Variants in TRMT11 observed in about 807,000 individuals in gnomAD.
The protein encoded by TRMT11 is tRNA (guanine(10)-N(2))-methyltransferase TRMT11.
In TRMT11, 53 loss-of-function variants were observed where a neutral mutation model predicts 62.8. That is an observed-to-expected ratio of 0.84 (90% CI 0.68 to 1.06). The LOEUF is 1.06. Among genes scored for constraint, TRMT11 ranks in the 50% least tolerant of loss-of-function variants. The probability of loss-of-function intolerance (pLI) is 0.00; values close to 1 mark genes in which losing one functional copy is unlikely to be tolerated. For synonymous variants in TRMT11, 188 were observed against 190.3 expected (o/e 0.99, Z 0.10); for missense variants, 556 against 553.4 (o/e 1.00, Z -0.05).
At chr6:126,134,305 A>G (rs1029910877) in intron 21 of TRMT11, among the ~76,000 whole-genome samples, 3 of 151,962 alleles carry the variant, frequency 2.0e-5, no homozygotes, top group Non-Finnish European at 1.5e-5. Context: ...GGGATGGGAA[A>G]AGATATTTCA....
chr6:126,078,481 A>T (rs1225312642), intron 17 of TRMT11, among the ~76,000 whole-genome samples: 1 of 150,774 alleles, frequency 6.6e-6, no homozygotes, highest in Non-Finnish European at 1.5e-5. Flanking sequence ...AAATTCCATC[A>T]CTAATTCCCA....
At chr6:126,037,287 A>T (rs1436120457) in intron 12 of TRMT11, among the ~76,000 whole-genome samples, 3 of 151,992 alleles carry the variant, frequency 2.0e-5, no homozygotes, top group Admixed American at 6.6e-5. Context: ...AAGTGGTACT[A>T]ATCGTTTACT....
At chr6:126,262,183 T>G in the TRMT11 span, among the ~76,000 whole-genome samples, 1 of 151,842 alleles carries the variant, frequency 6.6e-6, no homozygotes, top group Non-Finnish European at 1.5e-5. Context: ...TCAGTGTGAG[T>G]GTAGTGGAGC....
intron 18 of TRMT11, among the ~76,000 whole-genome samples, chr6:126,114,686 C>A (rs1777568153): frequency 6.6e-6 from 1 of 152,022 alleles, no homozygotes; most frequent in Non-Finnish European, 1.5e-5. Flanking sequence ...ATGTATTATT[C>A]ATCTTTGCTT....
At chr6:126,192,323 A>G (rs1332004830) in intron 1 of TRMT11, among the ~76,000 whole-genome samples, 2 of 152,104 alleles carry the variant, frequency 1.3e-5, no homozygotes, top group African/African-American at 4.8e-5. Flanking sequence ...TGGGTTAGCA[A>G]TTCTAAGAGT....
At position 125,998,308 on chromosome 6, in the gene TRMT11, G is replaced by A. The variant is rs144488568; in HGVS notation, c.380G>A (p.Arg127Gln). 36 of 1,587,316 alleles carry A rather than the reference G, an allele frequency of 2.3e-5. No homozygotes were observed. Among genetic ancestry groups the A allele is most frequent in the South Asian group, 1.6e-4 (14 of 89,160 alleles). ...KTLTQEEKIKRIDALEFLPFE... is the reference protein window; with the variant it reads ...KTLTQEEKIKQIDALEFLPFE... ...TTGACACAAGAAGAGAAAATCAAGC[G>A]AATAGATGTAAGTAAATTTAGCAAA... Residue 127 changes from arginine to glutamine, a missense_variant, in exon 5 of 13, where the codon CGA becomes CAA. Physicochemically the swap from Arg to Gln is conservative, Grantham distance 43. Transcript: ENST00000334379.
At chr6:126,154,461 C>A (rs776216695) in intron 21 of TRMT11, among the ~76,000 whole-genome samples, 34 of 152,070 alleles carry the variant, frequency 2.2e-4, no homozygotes, top group African/African-American at 7.7e-4. Flanking sequence ...TAGAAATTTA[C>A]ACATCACAAC....
chr6:126,127,666 C>A (rs1405732242), intron 21 of TRMT11, among the ~76,000 whole-genome samples: 3 of 137,298 alleles, frequency 2.2e-5, no homozygotes, highest in Non-Finnish European at 4.7e-5. Flanking sequence ...CCCCCCACCC[C>A]ACGACAGGCC....
At chr6:126,026,667 G>T (rs1773164183) in intron 12 of TRMT11, among the ~76,000 whole-genome samples, 1 of 152,004 alleles carries the variant, frequency 6.6e-6, no homozygotes, top group African/African-American at 2.4e-5. Context: ...TTATAGGCGC[G>T]AGCCATCGCG....
chr6:126,051,168 G>T (rs1305877487), intron 16 of TRMT11, among the ~76,000 whole-genome samples: 1 of 152,206 alleles, frequency 6.6e-6, no homozygotes, highest in East Asian at 1.9e-4. Flanking sequence ...TAAAGCATAA[G>T]TACAGTTTAA....
At chr6:126,072,133 G>A (rs1308519138) in intron 17 of TRMT11, among the ~76,000 whole-genome samples, 3 of 152,130 alleles carry the variant, frequency 2.0e-5, no homozygotes, top group Non-Finnish European at 4.4e-5. Context: ...ATAGTTAACA[G>A]CATCTACTAG....
the TRMT11 span, among the ~76,000 whole-genome samples, chr6:126,236,236 A>G: frequency 3.3e-5 from 5 of 152,182 alleles, no homozygotes; most frequent in Non-Finnish European, 2.9e-5. Context: ...ACCTTTCACT[A>G]TCTTGCTTGG....
At chr6:126,206,929 C>T (rs952231457), downstream of TRMT11, among the ~76,000 whole-genome samples, 1 of 152,142 alleles carries the variant, frequency 6.6e-6, no homozygotes, top group Non-Finnish European at 1.5e-5. Context: ...TATCTTTTAG[C>T]CAAGTATCCT....
intron 17 of TRMT11, among the ~76,000 whole-genome samples, chr6:126,093,585 GTATATATATA>G (rs56176946): frequency 0.052 from 2,433 of 46,668 alleles, 83 homozygotes; most frequent in African/African-American, 0.078. Flanking sequence ...GGATATGTAT[GTATATATATA>G]TATATATATA....
intron 12 of TRMT11, among the ~76,000 whole-genome samples, chr6:126,022,842 G>A (rs1376310964): frequency 2.6e-5 from 4 of 152,134 alleles, no homozygotes; most frequent in African/African-American, 9.7e-5. Flanking sequence ...GGTATATGTG[G>A]TGTAATTAAA....
intron 21 of TRMT11, among the ~76,000 whole-genome samples, chr6:126,161,253 C>T (rs1042344051): frequency 8.5e-5 from 13 of 152,064 alleles, no homozygotes; most frequent in African/African-American, 3.1e-4. Flanking sequence ...CCCTACAGGC[C>T]CTGGCATATG....
chr6:126,176,919 C>T (rs1778392809), upstream of TRMT11, among the ~76,000 whole-genome samples: 1 of 151,912 alleles, frequency 6.6e-6, no homozygotes. Flanking sequence ...TCCTTCAACC[C>T]TTCATTCACT....
intron 17 of TRMT11, among the ~76,000 whole-genome samples, chr6:126,093,990 A>G (rs529589877): frequency 7.9e-4 from 121 of 152,206 alleles, no homozygotes; most frequent in African/African-American, 2.8e-3. Context: ...TGAATGCTTC[A>G]TGGAACCATG....
chr6:126,009,484 G>A (rs1230964823), intron 8 of TRMT11: 2 of 151,904 alleles, frequency 1.3e-5, no homozygotes, highest in East Asian at 1.9e-4. Context: ...TTGTGTTTAT[G>A]TTGGTATTCA....
Sources: gnomAD v4.1 joint callset for allele counts (sites outside exome capture counted in the v4.1 genomes callset) on GRCh38, gnomAD v4.1.1 for gene constraint, MANE v1.5 for transcripts, NCBI Gene and HGNC (gene_info 2026-07-23, HGNC 2026-07-21) for gene names.